The following CACNA1A variants were observed in gnomAD, a reference collection of about 807,000 sequenced individuals.
The protein encoded by CACNA1A is calcium voltage-gated channel subunit alpha1 A.
CACNA1A carries 57 observed loss-of-function variants against 262.4 expected under a neutral mutation model. The observed-to-expected ratio is 0.22, with a 90% CI of 0.18 to 0.27. The LOEUF is 0.27. CACNA1A is among the 10% of genes least tolerant of loss of function. The pLI is 1.00. For synonymous variants in CACNA1A, 1,431 were observed against 1,419.3 expected (o/e 1.01, Z -0.18); for missense variants, 2,526 against 3,562.8 (o/e 0.71, Z 7.41).
At chr19:13,465,954 TC>T (rs1280928710) in intron 1 of CACNA1A, among the ~76,000 whole-genome samples, 2 of 152,112 alleles carry the variant, frequency 1.3e-5, no homozygotes, top group Non-Finnish European at 2.9e-5. Context: ...AATAGGTAAA[TC>T]CATAGAGACA....
intron 24 of CACNA1A, among the ~76,000 whole-genome samples, chr19:13,268,228 C>T (rs2056914782): frequency 6.6e-6 from 1 of 152,120 alleles, no homozygotes; most frequent in African/African-American, 2.4e-5. Context: ...GCCCTCTGAG[C>T]AAATGCGGGC....
intron 1 of CACNA1A, among the ~76,000 whole-genome samples, chr19:13,490,960 G>A (rs1224401618): frequency 4.9e-5 from 7 of 144,172 alleles, no homozygotes; most frequent in Non-Finnish European, 9.1e-5. Context: ...AAAGGAAGAA[G>A]GAAGGGAGGG....
At chr19:13,464,848 A>C (rs928250747) in intron 1 of CACNA1A, among the ~76,000 whole-genome samples, 2 of 150,856 alleles carry the variant, frequency 1.3e-5, no homozygotes, top group African/African-American at 4.9e-5. Context: ...GCGCCCGGCC[A>C]ACTTTTCCTA....
chr19:13,241,915 A>C lies in CACNA1A; in HGVS notation c.4950+3267T>G, dbSNP rs1374171561. Among the ~76,000 whole-genome samples the C allele has an allele frequency of 6.6e-6, 1 of 152,178 alleles. No homozygotes were observed. The highest frequency in any genetic ancestry group is 1.5e-5 in the Non-Finnish European group (1 of 68,028). The stretch of plus-strand genomic sequence containing the variant: ...AGCAGCTGAGACAGCACTGGTTAGT[A>C]CTGCCGCATGCCCTCTGCCCCCTAA... On this transcript the variant is annotated intron_variant, in intron 31 of 46. Coordinates refer to ENST00000360228, the MANE Select transcript of CACNA1A (RefSeq NM_001127222.2). The surrounding 1 kb of genome is among the most constrained non-coding windows in gnomAD (Gnocchi z 4.0).
intron 1 of CACNA1A, among the ~76,000 whole-genome samples, chr19:13,485,133 A>G (rs1205244014): frequency 1.3e-5 from 2 of 152,210 alleles, no homozygotes; most frequent in Non-Finnish European, 2.9e-5. Context: ...GTTGTCTTGC[A>G]GATCATTGGG....
intron 1 of CACNA1A, among the ~76,000 whole-genome samples, chr19:13,499,950 C>T (rs1982171123): frequency 6.6e-6 from 1 of 151,936 alleles, no homozygotes; most frequent in Non-Finnish European, 1.5e-5. Flanking sequence ...GTGCTTGCTA[C>T]TGGGGGGGAA....
chr19:13,434,687 C>G (rs927059049), intron 3 of CACNA1A, among the ~76,000 whole-genome samples: 5 of 152,160 alleles, frequency 3.3e-5, no homozygotes, highest in African/African-American at 1.2e-4. Flanking sequence ...TTCCCAGAAG[C>G]TGAGCAGATG....
intron 38 of CACNA1A, 37 bp downstream of exon 38, chr19:13,224,630 T>TCA: frequency 6.9e-7 from 1 of 1,441,130 alleles, no homozygotes; most frequent in Non-Finnish European, 9.6e-7. Context: ...TTCCACCCTG[T>TCA]CACGCCTGTC....
chr19:13,232,038 T>C (rs1242386647), intron 34 of CACNA1A, among the ~76,000 whole-genome samples, 178 bp from the exon 35 acceptor site: 2 of 152,150 alleles, frequency 1.3e-5, no homozygotes, highest in Non-Finnish European at 1.5e-5. Flanking sequence ...TTCTTGGCTG[T>C]GCACTGAAGT....
chr19:13,297,833 T>C (rs540843373), intron 19 of CACNA1A, among the ~76,000 whole-genome samples: 1 of 102,626 alleles, frequency 9.7e-6, no homozygotes, highest in African/African-American at 4.0e-5. Flanking sequence ...CATACAGCAT[T>C]TTTTTTTTTT....
intron 3 of CACNA1A, among the ~76,000 whole-genome samples, chr19:13,423,905 T>C (rs749449119): frequency 2.6e-5 from 4 of 152,194 alleles, no homozygotes; most frequent in African/African-American, 7.2e-5. Context: ...TCTTTGCCAA[T>C]GTTGGCTAAA....
chr19:13,231,602 T>C (rs2055668910), intron 35 of CACNA1A, 108 bp downstream of exon 35: 3 of 1,172,834 alleles, frequency 2.6e-6, no homozygotes, highest in Non-Finnish European at 3.6e-6. Context: ...AGAGAAGCCT[T>C]GGAGGGAACA....
intron 24 of CACNA1A, among the ~76,000 whole-genome samples, chr19:13,263,822 CCT>C (rs930401403): frequency 5.3e-5 from 8 of 152,186 alleles, no homozygotes; most frequent in Non-Finnish European, 1.0e-4. Flanking sequence ...CGCCTGGCCC[CCT>C]GTGTATTCTT....
intron 3 of CACNA1A, among the ~76,000 whole-genome samples, chr19:13,397,132 G>A (rs916596604): frequency 9.2e-5 from 14 of 152,150 alleles, no homozygotes; most frequent in African/African-American, 3.1e-4. Context: ...TATGAGGTGG[G>A]AGGAATGAAT....
chr19:13,303,976 A>C, intron 15 of CACNA1A, 92 bp from the exon 16 acceptor site: 4 of 888,226 alleles, frequency 4.5e-6, no homozygotes, highest in South Asian at 1.5e-5. Context: ...CGCCCACCCC[A>C]TCCCCGAGCC....
At chr19:13,409,866 T>A (rs72997562) in intron 3 of CACNA1A, among the ~76,000 whole-genome samples, 1,808 of 152,154 alleles carry the variant, frequency 0.012, 25 homozygotes, top group Non-Finnish European at 0.02. Flanking sequence ...CTGCACTCGG[T>A]CTACCCACAA....
At chr19:13,274,877 C>T (rs1395457224) in intron 24 of CACNA1A, 1 of 152,124 alleles carries the variant, frequency 6.6e-6, no homozygotes, top group Non-Finnish European at 1.5e-5. Context: ...TTGAAGGCCA[C>T]CTTGGAACTC....
intron 1 of CACNA1A, among the ~76,000 whole-genome samples, chr19:13,503,922 G>T (rs904380489): frequency 6.6e-6 from 1 of 151,914 alleles, no homozygotes; most frequent in South Asian, 2.1e-4. Context: ...TCCCCCTTCC[G>T]AGGGGCCACT....
chr19:13,409,050 C>T (rs2144728937), intron 3 of CACNA1A, among the ~76,000 whole-genome samples: 1 of 152,340 alleles, frequency 6.6e-6, no homozygotes, highest in East Asian at 1.9e-4. Flanking sequence ...TTCAGCACGT[C>T]TCCGTGGCAA....
Sources: gnomAD v4.1 joint callset for allele counts (sites outside exome capture counted in the v4.1 genomes callset) on GRCh38, gnomAD v4.1.1 for gene constraint, Gnocchi (gnomAD v3.1) non-coding constraint, MANE v1.5 for transcripts, NCBI Gene and HGNC (gene_info 2026-07-23, HGNC 2026-07-21) for gene names.